FGF14: variants seen among roughly 807,000 people sequenced by gnomAD.
The protein encoded by FGF14 is fibroblast growth factor homologous factor 4.
Under a neutral mutation model 25.5 loss-of-function variants are expected in FGF14, and 5 were observed. The ratio of observed to expected loss-of-function variants is 0.20; its 90% confidence interval spans 0.10 to 0.41. The LOEUF (loss-of-function observed/expected upper bound fraction) is 0.41, where lower values mean the gene tolerates loss of function less well. Among genes scored for constraint, FGF14 ranks in the 10% least tolerant of loss-of-function variants. The pLI, the probability that FGF14 is intolerant of heterozygous loss-of-function variation, is 1.00. For synonymous variants in FGF14, 138 were observed against 118.3 expected, an observed-to-expected ratio of 1.17 and a Z score of -1.08; for missense variants, 222 against 320.1, an observed-to-expected ratio of 0.69 and a Z score of 2.34.
At chr13:102,182,958 C>A (rs1206038260) in intron 1 of FGF14, among the ~76,000 whole-genome samples, 4 of 152,052 alleles carry the variant, frequency 2.6e-5, no homozygotes, top group Non-Finnish European at 4.4e-5. Flanking sequence ...ACAGCAAGTG[C>A]ATGTTAAGTA....
intron 1 of FGF14, among the ~76,000 whole-genome samples, chr13:102,045,756 A>G (rs561655431): frequency 5.3e-5 from 8 of 152,134 alleles, no homozygotes; most frequent in Non-Finnish European, 1.0e-4. Context: ...AAGTTCAGCA[A>G]ATCAACTGTG....
chr13:102,048,797 C>A (rs1449387713), intron 1 of FGF14, among the ~76,000 whole-genome samples: 6 of 152,174 alleles, frequency 3.9e-5, no homozygotes, highest in Non-Finnish European at 8.8e-5. Flanking sequence ...GCTGTCTTCA[C>A]TCAGGCACAT....
chr13:102,199,021 C>A (rs1339956599), intron 1 of FGF14, among the ~76,000 whole-genome samples: 1 of 152,204 alleles, frequency 6.6e-6, no homozygotes, highest in Non-Finnish European at 1.5e-5. Context: ...ATACAAAGAA[C>A]TGGCTTAAGC....
chr13:102,129,257 AG>A lies in FGF14; in HGVS notation c.209-253962del, dbSNP rs200972653. Among the ~76,000 whole-genome samples the A allele has an allele frequency of 7.2e-3, 1,085 of 151,550 alleles. 19 individuals are homozygous for A. The highest frequency in any genetic ancestry group is 0.025 in the African/African-American group (1,024 of 41,384). Reference sequence around the variant, plus strand: ...AGAGTGAGACTCCATCTCAAAAAAAAGAAAGAAAGAAAGAAAGAAATTAAAA... The same window carrying A: ...AGAGTGAGACTCCATCTCAAAAAAAAAAAGAAAGAAAGAAAGAAATTAAAA... On this transcript the variant is annotated intron_variant, in intron 1 of 4. Transcript: ENST00000376131.
At chr13:102,261,452 A>G (rs1409059998) in intron 1 of FGF14, among the ~76,000 whole-genome samples, 1 of 152,256 alleles carries the variant, frequency 6.6e-6, no homozygotes, top group Non-Finnish European at 1.5e-5. Context: ...ATTAGCTGGA[A>G]GCAGCATCCA....
At chr13:101,821,281 T>C (rs2042142991) in intron 3 of FGF14, among the ~76,000 whole-genome samples, 2 of 152,208 alleles carry the variant, frequency 1.3e-5, no homozygotes, top group South Asian at 2.1e-4. Context: ...TTCACACATA[T>C]TGATCGTGCA....
chr13:102,000,940 G>A (rs1475608366), intron 1 of FGF14, among the ~76,000 whole-genome samples: 4 of 152,146 alleles, frequency 2.6e-5, no homozygotes, highest in African/African-American at 9.7e-5. Flanking sequence ...GCAAAAGCCT[G>A]GGGAACAAAA....
chr13:101,820,137 C>G (rs2140230309), intron 3 of FGF14, among the ~76,000 whole-genome samples: 1 of 152,084 alleles, frequency 6.6e-6, no homozygotes, highest in East Asian at 1.9e-4. Flanking sequence ...TATAAAATGT[C>G]AGAGAAACAG....
intron 1 of FGF14, among the ~76,000 whole-genome samples, chr13:102,151,857 T>C (rs967689356): frequency 6.6e-6 from 1 of 152,196 alleles, no homozygotes; most frequent in African/African-American, 2.4e-5. Context: ...TAGTAGATAA[T>C]ACTTACATAA....
rs536338255 is a variant in FGF14 at position 101,903,371 on chromosome 13, T to C, written c.193+13082A>G. On this transcript the variant is annotated intron_variant, in intron 1 of 4. Coordinates refer to ENST00000376143, the MANE Select transcript of FGF14 (RefSeq NM_004115.4). ...GTTTTAACTTTGCACCTAGTGTGAC[T>C]GCTGTTATGTACACAAGCTGTAATT... is the stretch of plus-strand genomic sequence containing the variant. Among the ~76,000 whole-genome samples, 141 of 152,312 alleles carry C rather than the reference T, an allele frequency of 9.3e-4. 1 individual carries two copies. Among genetic ancestry groups the C allele is most frequent in the African/African-American group, 3.1e-3 (130 of 41,576 alleles).
At chr13:101,821,792 C>T (rs957630224) in intron 3 of FGF14, among the ~76,000 whole-genome samples, 2 of 152,118 alleles carry the variant, frequency 1.3e-5, no homozygotes, top group African/African-American at 4.8e-5. Context: ...TGCTGAGCAC[C>T]TTTTCATAAA....
At chr13:102,166,478 C>T (rs532734084) in intron 1 of FGF14, among the ~76,000 whole-genome samples, 7 of 152,108 alleles carry the variant, frequency 4.6e-5, no homozygotes, top group Non-Finnish European at 7.4e-5. Flanking sequence ...AACATGGCAA[C>T]GCTCTGCCTT....
At chr13:102,211,853 A>G (rs2050175330) in intron 1 of FGF14, among the ~76,000 whole-genome samples, 1 of 152,156 alleles carries the variant, frequency 6.6e-6, no homozygotes, top group Admixed American at 6.6e-5. Context: ...CATACATAGG[A>G]CTTCAATTCT....
intron 1 of FGF14, among the ~76,000 whole-genome samples, chr13:102,368,461 T>C (rs1232638710): frequency 6.6e-6 from 1 of 152,214 alleles, no homozygotes; most frequent in Non-Finnish European, 1.5e-5. Flanking sequence ...CTTCTCCTTC[T>C]TTCCCTGGAA....
rs540945649 is a variant in FGF14, at chr13:102,306,893, A to G, written c.208+94578T>C. Reference sequence around the variant, plus strand: ...GCAAATACGTCCACGTCCTAATTTCAGAATCTGTGCCCATATTATCATACA... The same window carrying G: ...GCAAATACGTCCACGTCCTAATTTCGGAATCTGTGCCCATATTATCATACA... On this transcript the variant is annotated intron_variant, in intron 1 of 4. Transcript: ENST00000376131. Among the ~76,000 whole-genome samples, 29 of 152,288 alleles carry G rather than the reference A, an allele frequency of 1.9e-4. No homozygotes were observed. The East Asian group carries it at 4.3e-3, about 22-fold the overall frequency.
At chr13:101,938,571 A>C (rs1164072223) in intron 1 of FGF14, among the ~76,000 whole-genome samples, 2 of 152,240 alleles carry the variant, frequency 1.3e-5, no homozygotes, top group Non-Finnish European at 2.9e-5. Context: ...TTGTTTGTAG[A>C]AAATTAGTAT....
chr13:101,772,937 C>T (rs541913750), intron 3 of FGF14, among the ~76,000 whole-genome samples: 19 of 152,094 alleles, frequency 1.2e-4, no homozygotes, highest in Admixed American at 1.2e-3. Context: ...AATCAATTTA[C>T]TCTGTTGATT....
intron 1 of FGF14, among the ~76,000 whole-genome samples, chr13:101,914,538 A>G (rs1251729436): frequency 6.6e-6 from 1 of 152,194 alleles, no homozygotes; most frequent in East Asian, 1.9e-4. Flanking sequence ...AATCAGGAAT[A>G]CCAACAGAGC....
chr13:101,839,020 G>C (rs1174286242), intron 3 of FGF14, among the ~76,000 whole-genome samples: 2 of 151,952 alleles, frequency 1.3e-5, no homozygotes, highest in Non-Finnish European at 2.9e-5. Context: ...CATTATATTA[G>C]ATTCATAGGC....
Sources: gnomAD v4.1 joint callset for allele counts (sites outside exome capture counted in the v4.1 genomes callset) on GRCh38, gnomAD v4.1.1 for gene constraint, MANE v1.5 for transcripts, NCBI Gene and HGNC (gene_info 2026-07-23, HGNC 2026-07-21) for gene names.